The following SBF2 variants were observed in gnomAD, a reference collection of about 807,000 sequenced individuals.
SBF2 encodes myotubularin-related protein 13.
A neutral mutation model predicts 225.2 loss-of-function variants in SBF2; 112 were observed. The ratio of observed to expected loss-of-function variants is 0.50; its 90% CI spans 0.43 to 0.58. The LOEUF is 0.58. Among genes scored for constraint, SBF2 ranks in the 20% least tolerant of loss-of-function variants. The probability of loss-of-function intolerance (pLI) is 0.00; values close to 1 mark genes in which losing one functional copy is unlikely to be tolerated. For missense variants in SBF2, 1,996 were observed against 2,206.2 expected, an observed-to-expected ratio of 0.90 and a Z score of 1.91; for synonymous variants, 763 against 773.3, an observed-to-expected ratio of 0.99 and a Z score of 0.22.
intron 16 of SBF2, chr11:9,959,876 C>T (rs550954643): frequency 6.6e-5 from 29 of 442,450 alleles, no homozygotes; most frequent in Admixed American, 2.0e-4. Context: ...GGCCACTGTG[C>T]GCTCAGAAAC....
chr11:9,921,346 G>A (rs546947005), intron 16 of SBF2, among the ~76,000 whole-genome samples: 8 of 152,002 alleles, frequency 5.3e-5, no homozygotes, highest in Admixed American at 1.3e-4. Flanking sequence ...CTGGGATTAC[G>A]GGCTTCAGCC....
intron 2 of SBF2, among the ~76,000 whole-genome samples, chr11:10,051,984 G>A (rs557530931): frequency 6.6e-6 from 1 of 152,036 alleles, no homozygotes; most frequent in Non-Finnish European, 1.5e-5. Flanking sequence ...ATGAGGATGT[G>A]GACATTACAA....
At chr11:10,285,837 C>G (rs1244457581) in intron 1 of SBF2, among the ~76,000 whole-genome samples, 1 of 152,096 alleles carries the variant, frequency 6.6e-6, no homozygotes, top group Non-Finnish European at 1.5e-5. Context: ...CACCCTCCAC[C>G]AATAACAGTA....
intron 1 of SBF2, among the ~76,000 whole-genome samples, chr11:10,233,238 T>C (rs1958928005): frequency 6.6e-6 from 1 of 152,230 alleles, no homozygotes; most frequent in East Asian, 1.9e-4. Flanking sequence ...AGTAGTTATC[T>C]TGTCATTTCT....
At chr11:10,185,618 CTTT>C (rs202109502) in intron 2 of SBF2, among the ~76,000 whole-genome samples, 2 of 137,098 alleles carry the variant, frequency 1.5e-5, no homozygotes, top group Middle Eastern at 3.8e-3. Context: ...CTGTGCTTGG[CTTT>C]TTTTTTTTTT....
intron 16 of SBF2, among the ~76,000 whole-genome samples, chr11:9,911,833 A>T (rs1862644223): frequency 6.6e-6 from 1 of 152,232 alleles, no homozygotes. Context: ...AACTGCCTAC[A>T]GTATTCAGTA....
At chr11:10,169,353 T>C (rs1956098966) in intron 2 of SBF2, among the ~76,000 whole-genome samples, 1 of 152,178 alleles carries the variant, frequency 6.6e-6, no homozygotes, top group Admixed American at 6.5e-5. Context: ...CTTCCCAGCA[T>C]CTGGTAACCA....
intron 2 of SBF2, among the ~76,000 whole-genome samples, chr11:10,155,973 G>A (rs1219672519): frequency 6.6e-6 from 1 of 152,208 alleles, no homozygotes; most frequent in Non-Finnish European, 1.5e-5. Context: ...GCCCACGGGG[G>A]TGGGACAGGT....
At chr11:10,059,657 G>T (rs1950362582) in intron 2 of SBF2, among the ~76,000 whole-genome samples, 1 of 151,986 alleles carries the variant, frequency 6.6e-6, no homozygotes, top group Non-Finnish European at 1.5e-5. Flanking sequence ...AAATGTAAAA[G>T]AACCGACATC....
intron 12 of SBF2, 81 bp from the exon 13 acceptor site, chr11:9,989,676 C>A (rs569261560): frequency 3.4e-6 from 3 of 886,720 alleles, no homozygotes; most frequent in East Asian, 2.5e-5. Flanking sequence ...ATACAATTTG[C>A]AAGCCAAAAA....
intron 16 of SBF2, among the ~76,000 whole-genome samples, chr11:9,939,536 G>A (rs895371372): frequency 6.6e-6 from 1 of 152,148 alleles, no homozygotes; most frequent in African/African-American, 2.4e-5. Flanking sequence ...CATGGGTGAG[G>A]CCCTATTTCA....
chr11:9,962,206 T>C lies in SBF2; in HGVS notation c.1711-100A>G. The C allele has an allele frequency of 3.9e-6, 4 of 1,019,318 alleles. No individual in the cohort carries two copies. In the South Asian group the frequency reaches 4.0e-5, roughly 10 times the overall value. 63.1% of individuals were successfully genotyped at this position (1,019,318 alleles called of 1,614,324 possible). On this transcript the variant is annotated intron_variant, in intron 15 of 39. Transcript: ENST00000256190. ...AAATTCAAACGCATCCTATAATTTA[T>C]TTAACATAGTTATTAGTAAAATTAA...
At chr11:10,302,413 T>C (rs1964607020) in intron 1 of SBF2, among the ~76,000 whole-genome samples, 1 of 152,236 alleles carries the variant, frequency 6.6e-6, no homozygotes, top group African/African-American at 2.4e-5. Flanking sequence ...TCTAGGAAAA[T>C]ACTTTGAGCT....
chr11:10,278,766 C>G (rs943110318), intron 1 of SBF2, among the ~76,000 whole-genome samples: 1 of 132,160 alleles, frequency 7.6e-6, no homozygotes, highest in Admixed American at 8.0e-5. Context: ...GCCTGGGCAA[C>G]AAGAACGAAA....
chr11:10,053,385 C>A (rs972425490), intron 2 of SBF2, among the ~76,000 whole-genome samples: 1 of 152,022 alleles, frequency 6.6e-6, no homozygotes, highest in African/African-American at 2.4e-5. Context: ...GGTTAAGCAA[C>A]CCCAAAATTG....
At chr11:9,821,689 T>G (rs987000188) in intron 28 of SBF2, among the ~76,000 whole-genome samples, 8 of 152,224 alleles carry the variant, frequency 5.3e-5, no homozygotes, top group Non-Finnish European at 8.8e-5. Flanking sequence ...ATCAGTATTT[T>G]TTTCAAAATT....
At chr11:9,976,080 T>C (rs1946670183) in intron 13 of SBF2, among the ~76,000 whole-genome samples, 1 of 149,892 alleles carries the variant, frequency 6.7e-6, no homozygotes, top group African/African-American at 2.4e-5. Flanking sequence ...TTCTTTTTTT[T>C]TTTTTTTTTT....
chr11:10,008,764 G>A lies in SBF2; in HGVS notation c.620-6075C>T, dbSNP rs527955417. 8.5e-5 allele frequency among the ~76,000 whole-genome samples: 13 copies of A among 152,320 alleles called. No individual in the cohort carries two copies. In the South Asian group the frequency reaches 2.7e-3, roughly 32 times the overall value. On this transcript the variant is annotated intron_variant, in intron 6 of 39. Coordinates refer to ENST00000256190, the MANE Select transcript of SBF2 (RefSeq NM_030962.4). ...AGAATCCTTTGTCTTGAGCTGAGGGGGGCCTACAGTCCAGCTGGCTCCCAG... is the reference window on the plus strand; with the variant it reads ...AGAATCCTTTGTCTTGAGCTGAGGGAGGCCTACAGTCCAGCTGGCTCCCAG...
intron 1 of SBF2, among the ~76,000 whole-genome samples, chr11:10,264,681 C>A (rs931754668): frequency 2.0e-5 from 3 of 152,054 alleles, no homozygotes; most frequent in African/African-American, 7.2e-5. Context: ...GTTTGCTGCA[C>A]CTATCAACTC....
Sources: allele counts gnomAD v4.1 joint callset (sites outside exome capture counted in the v4.1 genomes callset), GRCh38; gene constraint gnomAD v4.1.1; transcripts MANE v1.5; gene names NCBI Gene and HGNC (gene_info 2026-07-23, HGNC 2026-07-21).